GUCY1A2: variants seen among roughly 807,000 people sequenced by gnomAD.
GUCY1A2 encodes the protein guanylate cyclase 1 soluble subunit alpha 2, also known as guanylate cyclase soluble subunit alpha-2.
In GUCY1A2, 27 loss-of-function variants were observed where a neutral mutation model predicts 63.5. The ratio of observed to expected loss-of-function variants is 0.43; its 90% CI spans 0.31 to 0.59. GUCY1A2 has a LOEUF of 0.59. GUCY1A2 is among the 20% of genes least tolerant of loss of function. The pLI is 0.11. For missense variants in GUCY1A2, 768 were observed against 913.3 expected, an observed-to-expected ratio of 0.84 and a Z score of 2.05; for synonymous variants, 364 against 343.5, an observed-to-expected ratio of 1.06 and a Z score of -0.66.
intron 6 of GUCY1A2, among the ~76,000 whole-genome samples, chr11:106,762,700 C>T (rs1864086728): frequency 6.6e-6 from 1 of 151,892 alleles, no homozygotes; most frequent in African/African-American, 2.4e-5. Flanking sequence ...AGTTGTGTCC[C>T]TCTGAAAATA....
chr11:106,755,918 G>A (rs1157837123), intron 6 of GUCY1A2, among the ~76,000 whole-genome samples: 3 of 151,980 alleles, frequency 2.0e-5, no homozygotes, highest in Non-Finnish European at 4.4e-5. Flanking sequence ...TTTTCTGTCT[G>A]GTTGATCTGT....
At chr11:106,974,520 T>TA (rs1007812306) in intron 3 of GUCY1A2, among the ~76,000 whole-genome samples, 8 of 151,956 alleles carry the variant, frequency 5.3e-5, no homozygotes, top group East Asian at 1.9e-4. Flanking sequence ...TCATTACTTA[T>TA]AAAAAAACAG....
intron 3 of GUCY1A2, among the ~76,000 whole-genome samples, chr11:106,968,079 G>C (rs1471010350): frequency 6.6e-6 from 1 of 152,138 alleles, no homozygotes; most frequent in East Asian, 1.9e-4. Context: ...CCTAAGAATT[G>C]ACTACAGTTT....
intron 6 of GUCY1A2, among the ~76,000 whole-genome samples, chr11:106,764,369 A>T (rs1864121278): frequency 6.6e-6 from 1 of 152,088 alleles, no homozygotes; most frequent in Admixed American, 6.6e-5. Context: ...GTATAGGGTA[A>T]TGGTTACGAG....
intron 1 of GUCY1A2, among the ~76,000 whole-genome samples, chr11:107,001,876 G>C (rs780373990): frequency 1.3e-5 from 2 of 151,910 alleles, no homozygotes; most frequent in Non-Finnish European, 2.9e-5. Flanking sequence ...AAAATTAGCC[G>C]GGCATGGTGG....
rs980850596 is a variant in GUCY1A2 at position 106,773,726 on chromosome 11, T to C, written c.1836+2713A>G. Among the ~76,000 whole-genome samples, 7 of 152,220 alleles carry C rather than the reference T, an allele frequency of 4.6e-5. No individual in the cohort carries two copies. The East Asian group carries it at 7.7e-4, about 17-fold the overall frequency. ...AACTAGTAGGGAGAAATGCTTATGA[T>C]AGTGTTGTAAATTTCTATTAATTTG... On this transcript the variant is annotated intron_variant, in intron 6 of 7. Transcript: ENST00000526355.
intron 5 of GUCY1A2, among the ~76,000 whole-genome samples, chr11:106,777,678 C>CG (rs1029065775): frequency 1.1e-3 from 5 of 4,448 alleles, no homozygotes; most frequent in Non-Finnish European, 1.9e-3. Flanking sequence ...TGGGGCCTGT[C>CG]GGGGGGTGGG....
At chr11:106,827,223 G>C in intron 4 of GUCY1A2, 1 of 1,527,346 alleles carries the variant, frequency 6.5e-7, no homozygotes, top group Non-Finnish European at 9.1e-7. Context: ...ATTTAGATTT[G>C]CTTCTAGCTT....
rs71041688 is a variant in GUCY1A2 at position 106,721,065 on chromosome 11, A to ATTTTTT, written c.1837-12405_1837-12400dup. 5.5e-5 allele frequency among the ~76,000 whole-genome samples: 8 copies of ATTTTTT among 145,018 alleles called. 1 individual carries two copies. Among genetic ancestry groups the ATTTTTT allele is most frequent in the African/African-American group, 1.5e-4 (6 of 38,798 alleles). Reference sequence around the variant, plus strand: ...ACCAATAAAAAGGACATATTTGCAAATTTTTTTTTTTTTTTGAGACAGAGT... The same window carrying ATTTTTT: ...ACCAATAAAAAGGACATATTTGCAAATTTTTTTTTTTTTTTTTTTTTGAGACAGAGT... On this transcript the variant is annotated intron_variant, in intron 6 of 7. Coordinates refer to ENST00000526355, the MANE Select transcript of GUCY1A2 (RefSeq NM_000855.3).
intron 4 of GUCY1A2, among the ~76,000 whole-genome samples, chr11:106,895,093 T>TA (rs1355617741): frequency 6.6e-6 from 1 of 151,406 alleles, no homozygotes; most frequent in Non-Finnish European, 1.5e-5. Context: ...TCTCTGGACA[T>TA]TACAAGAATA....
At chr11:106,702,703 T>TG (rs34968248) in intron 7 of GUCY1A2, among the ~76,000 whole-genome samples, 1 of 82,220 alleles carries the variant, frequency 1.2e-5, no homozygotes, top group Non-Finnish European at 2.8e-5. Context: ...ATTTATATGG[T>TG]TTTTTTTTTT....
At chr11:106,734,994 A>T (rs1038979330) in intron 6 of GUCY1A2, among the ~76,000 whole-genome samples, 1 of 151,964 alleles carries the variant, frequency 6.6e-6, no homozygotes, top group Non-Finnish European at 1.5e-5. Context: ...TTATTTTTTT[A>T]ATTTTTTATT....
intron 4 of GUCY1A2, among the ~76,000 whole-genome samples, chr11:106,890,486 G>A (rs1474876003): frequency 1.3e-5 from 2 of 152,186 alleles, no homozygotes; most frequent in African/African-American, 4.8e-5. Context: ...AGAAGGCTCA[G>A]TAAATGGCCA....
intron 3 of GUCY1A2, among the ~76,000 whole-genome samples, chr11:106,942,815 C>T (rs1033672565): frequency 6.6e-6 from 1 of 152,078 alleles, no homozygotes; most frequent in Non-Finnish European, 1.5e-5. Flanking sequence ...CTACTCTATG[C>T]GCAGCAATCT....
intron 4 of GUCY1A2, among the ~76,000 whole-genome samples, chr11:106,871,065 C>T (rs1859670559): frequency 6.8e-6 from 1 of 146,668 alleles, no homozygotes. Flanking sequence ...GCATAATTAG[C>T]AACTAATAAA....
At chr11:106,952,140 G>C (rs995444995) in intron 3 of GUCY1A2, among the ~76,000 whole-genome samples, 1 of 152,158 alleles carries the variant, frequency 6.6e-6, no homozygotes, top group Non-Finnish European at 1.5e-5. Context: ...GGTTACTGTA[G>C]CCTCGTAGTA....
At chr11:106,691,944 TG>T (rs985473140) in intron 7 of GUCY1A2, among the ~76,000 whole-genome samples, 1 of 152,094 alleles carries the variant, frequency 6.6e-6, no homozygotes, top group African/African-American at 2.4e-5. Context: ...AATGACTTAC[TG>T]GGGGGTTTGT....
At chr11:106,884,195 GAAGA>G (rs1859865943) in intron 4 of GUCY1A2, among the ~76,000 whole-genome samples, 1 of 151,944 alleles carries the variant, frequency 6.6e-6, no homozygotes, top group African/African-American at 2.4e-5. Context: ...AAAAAGAAAG[GAAGA>G]AAGAAAGAAA....
Position 107,017,930 on chromosome 11 carries a change from C to G in GUCY1A2, c.126G>C (p.Pro42=), listed in dbSNP as rs1393608424. The G allele has an allele frequency of 3.8e-6, 5 of 1,324,280 alleles. No homozygotes were observed. The highest frequency in any genetic ancestry group is 3.1e-5 in the East Asian group (1 of 32,106). The allele number at this position is 1,324,280 out of a possible 1,614,324, so 82.0% of individuals were successfully genotyped here. A position where few individuals can be genotyped will look rare whatever the true frequency, so the allele number is the denominator to read the frequency against. The change falls in exon 1 of 8, where the codon CCG becomes CCC. Residue 42 remains proline (P), a synonymous_variant. Coordinates refer to ENST00000526355, the MANE Select transcript of GUCY1A2 (RefSeq NM_000855.3). ...CCGGGCTGGGCTCCAGCGGCCCGGG[C>G]GGGCTCCGGCTGCCATTCCAGCAGA... ...SRLCWNGSRS[P]PGPLEPSPAA... is the part of the protein sequence containing the mutation.
Sources: allele counts gnomAD v4.1 joint callset (sites outside exome capture counted in the v4.1 genomes callset), GRCh38; gene constraint gnomAD v4.1.1; transcripts MANE v1.5; gene names NCBI Gene and HGNC (gene_info 2026-07-23, HGNC 2026-07-21).